The following APC2 variants were observed in gnomAD, a reference collection of about 807,000 sequenced individuals.
APC2 encodes the protein adenomatous polyposis coli protein 2.
A neutral mutation model predicts 72.5 loss-of-function variants in APC2; 41 were observed. The ratio of observed to expected loss-of-function variants is 0.57; its 90% CI spans 0.44 to 0.73. The LOEUF is 0.73. Ranked by LOEUF, APC2 falls within the 30% of genes least tolerant of loss-of-function variation. APC2 has a pLI of 0.00. For synonymous variants in APC2, 1,898 were observed against 1,612.0 expected (o/e 1.18, Z -4.25); for missense variants, 3,729 against 3,403.4 (o/e 1.10, Z -2.38).
Position 1,468,623 on chromosome 19 carries a change from A to G in APC2, c.5322A>G (p.Pro1774=), listed in dbSNP as rs200610919. Residue 1774 remains proline (P), a synonymous_variant, in exon 15 of 15, where the codon CCA becomes CCG. Coordinates refer to ENST00000590469, the MANE Select transcript of APC2 (RefSeq NM_005883.3). ...GTTCCCCTGCAGGCCCCGAGAAGCCACGTGGCACACAGAAGACCACGCCCG... is the reference window on the plus strand; with the variant it reads ...GTTCCCCTGCAGGCCCCGAGAAGCCGCGTGGCACACAGAAGACCACGCCCG... ...SPRSPAGPEK[P]RGTQKTTPGV... 29 of 1,601,714 alleles carry G rather than the reference A, an allele frequency of 1.8e-5. No individual in the cohort carries two copies. In the East Asian group the frequency reaches 5.2e-4, roughly 29 times the overall value.
chr19:1,461,099 G>A lies in APC2; in HGVS notation c.1584G>A (p.Leu528=). 6.2e-7 allele frequency: 1 copy of A among 1,613,470 alleles called. No individual in the cohort carries two copies. Among genetic ancestry groups the A allele is most frequent in the Non-Finnish European group, 8.5e-7 (1 of 1,180,028 alleles). Residue 528 remains leucine (L), a synonymous_variant, in exon 13 of 15, where the codon CTG becomes CTA. Transcript: ENST00000590469. ...WRADINSKKV[L]REAGSVTALV... The stretch of plus-strand genomic sequence containing the variant: ...CCGACATCAACAGCAAGAAGGTGCT[G>A]AGGGAGGCGGGCAGCGTGACTGCCC...
Position 1,460,178 on chromosome 19 carries a change from C to T in APC2, c.1304-3C>T. On this transcript the variant is annotated splice_polypyrimidine_tract_variant and splice_region_variant and intron_variant, in intron 10 of 14. Coordinates refer to ENST00000590469, the MANE Select transcript of APC2 (RefSeq NM_005883.3). ...ACCCACCAACCTTGTTGGGTCCTCA[C>T]AGGTGGGCTGCAGGCCGTGGCAGAG... The T allele has an allele frequency of 6.2e-7, 1 of 1,613,272 alleles. No homozygotes were observed. The highest frequency in any genetic ancestry group is 8.5e-7 in the Non-Finnish European group (1 of 1,179,990).
At chr19:1,450,979 C>T (rs1319812525) in intron 1 of APC2, among the ~76,000 whole-genome samples, 6 of 152,116 alleles carry the variant, frequency 3.9e-5, no homozygotes, top group African/African-American at 1.2e-4. Flanking sequence ...ATGGAGGAGT[C>T]GGAGCGTATC....
chr19:1,458,020 G>T lies in APC2; in HGVS notation c.1263G>T (p.Leu421=), dbSNP rs1162716094. Residue 421 remains leucine (L), a synonymous_variant, in exon 10 of 15, where the codon CTG becomes CTT. Coordinates refer to ENST00000590469, the MANE Select transcript of APC2 (RefSeq NM_005883.3). Reference sequence around the variant, plus strand: ...AGGCCACCTGTGCTGTTATGAAGCTGTCCTTTGATGAGGAGTACCGCCGTG... The same window carrying T: ...AGGCCACCTGTGCTGTTATGAAGCTTTCCTTTGATGAGGAGTACCGCCGTG... ...ICQATCAVMK[L]SFDEEYRRAM... is the part of the protein sequence containing the mutation. The T allele has an allele frequency of 1.3e-6, 2 of 1,567,256 alleles. No homozygotes were observed. Among genetic ancestry groups the T allele is most frequent in the East Asian group, 2.3e-5 (1 of 43,228 alleles).
At chr19:1,455,564 T>G in intron 6 of APC2, 64 bp downstream of exon 6, 4 of 1,462,854 alleles carry the variant, frequency 2.7e-6, no homozygotes, top group Non-Finnish European at 3.8e-6. Flanking sequence ...CAAATCAGAG[T>G]GCAGATATTA....
upstream of APC2, among the ~76,000 whole-genome samples, chr19:1,449,954 C>A (rs1414192980): frequency 6.6e-6 from 1 of 152,102 alleles, no homozygotes; most frequent in Non-Finnish European, 1.5e-5. Flanking sequence ...GGGGGTTTCG[C>A]CCCCCGCACT....
In APC2 at chr19:1,467,501, C is replaced by T; in HGVS notation, c.4200C>T (p.Phe1400=). The T allele has an allele frequency of 6.8e-7, 1 of 1,463,636 alleles. No individual in the cohort carries two copies. The highest frequency in any genetic ancestry group is 9.0e-7 in the Non-Finnish European group (1 of 1,110,526). The allele number at this position is 1,463,636 out of a possible 1,614,324, so 90.7% of individuals were successfully genotyped here. A position where few individuals can be genotyped will look rare whatever the true frequency, so the allele number is the denominator to read the frequency against. The change falls in exon 15 of 15, where the codon TTC becomes TTT. Residue 1400 remains phenylalanine, a synonymous_variant. Coordinates refer to ENST00000590469, the MANE Select transcript of APC2 (RefSeq NM_005883.3). ...TDSAEGTPVN[F]SSAASLSDET... is the part of the protein sequence containing the mutation. ...CCGCGGAGGGCACGCCGGTCAACTT[C>T]TCTAGCGCCGCCTCGCTCAGCGACG...
chr19:1,466,309 C>T lies in APC2; in HGVS notation c.3008C>T (p.Pro1003Leu). 6.5e-7 allele frequency: 1 copy of T among 1,540,894 alleles called. No homozygotes were observed. ...CTGTCGCCTACCTATCAGCACGTGC[C>T]ACTGCTTGAGGGTGCCTCAAGGGCG... Reference protein sequence around the residue: ...IKLSPTYQHVPLLEGASRAGA... With the variant: ...IKLSPTYQHVLLLEGASRAGA... Residue 1003 changes from proline (P) to leucine (L), a missense_variant, in exon 15 of 15, where the codon CCA becomes CTA. Physicochemically the swap from Pro to Leu is moderately conservative, Grantham distance 98. Coordinates refer to ENST00000590469, the MANE Select transcript of APC2 (RefSeq NM_005883.3).
In APC2 at chr19:1,467,486, C is replaced by T; in HGVS notation, c.4185C>T (p.Gly1395=). 1 of 1,457,094 alleles carries T rather than the reference C, an allele frequency of 6.9e-7. No homozygotes were observed. Among genetic ancestry groups the T allele is most frequent in the Non-Finnish European group, 9.0e-7 (1 of 1,106,668 alleles). The allele number at this position is 1,457,094 out of a possible 1,614,324, so 90.3% of individuals were successfully genotyped here. The change falls in exon 15 of 15, where the codon GGC becomes GGT. Residue 1395 remains glycine (G), a synonymous_variant. Coordinates refer to ENST00000590469, the MANE Select transcript of APC2 (RefSeq NM_005883.3). ...ACTCCTGCACTGACTCCGCGGAGGG[C>T]ACGCCGGTCAACTTCTCTAGCGCCG... ...EDDSCTDSAE[G]TPVNFSSAAS... is the part of the protein sequence containing the mutation.
At position 1,467,933 on chromosome 19, in the gene APC2, C is replaced by T. The variant is rs771755172; in HGVS notation, c.4632C>T (p.Gly1544=). Residue 1544 remains glycine (G), a synonymous_variant, in exon 15 of 15, where the codon GGC becomes GGT. Coordinates refer to ENST00000590469, the MANE Select transcript of APC2 (RefSeq NM_005883.3). ...CTTTTACGCGGGAGCGTCCGCAGGG[C>T]CGGAAGGAGGCCCCTGCCCCGTCCA... ...PRAFTRERPQ[G]RKEAPAPSKA... The T allele has an allele frequency of 6.3e-7, 1 of 1,586,018 alleles. No homozygotes were observed. The highest frequency in any genetic ancestry group is 1.7e-5 in the Admixed American group (1 of 59,264).
At position 1,461,846 on chromosome 19, in the gene APC2, C is replaced by T. The variant is rs761464522; in HGVS notation, c.1639-117C>T. 5.0e-5 allele frequency: 41 copies of T among 826,214 alleles called. No individual in the cohort carries two copies. In the Middle Eastern group the frequency reaches 1.9e-3, roughly 38 times the overall value. 51.2% of individuals were successfully genotyped at this position (826,214 alleles called of 1,614,324 possible). ...CAGCCTGGGGGAGAGAGTGAGATTC[C>T]GTCTCAAAAAAAAAAAACAAAAAAC... On this transcript the variant is annotated intron_variant, in intron 13 of 14. Transcript: ENST00000590469.
chr19:1,468,024 C>A lies in APC2; in HGVS notation c.4723C>A (p.Pro1575Thr). The change falls in exon 15 of 15, where the codon CCC (proline) becomes ACC (threonine). Residue 1575 changes from proline to threonine, a missense_variant. Pro to Thr is a conservative substitution (Grantham distance 38). Coordinates refer to ENST00000590469, the MANE Select transcript of APC2 (RefSeq NM_005883.3). The stretch of plus-strand genomic sequence containing the variant: ...CAGCCTCATTGCTGACGAGACCCCG[C>A]CCTGCTACTCCCTGAGCTCCTCCGC... ...QPSLIADETPPCYSLSSSASS... is the reference protein window; with the variant it reads ...QPSLIADETPTCYSLSSSASS... 6.3e-7 allele frequency: 1 copy of A among 1,584,450 alleles called. No homozygotes were observed. Among genetic ancestry groups the A allele is most frequent in the Non-Finnish European group, 8.5e-7 (1 of 1,174,268 alleles).
chr19:1,456,876 G>A lies in APC2; in HGVS notation c.840G>A (p.Leu280=), dbSNP rs1176640766. The A allele has an allele frequency of 3.1e-6, 5 of 1,595,460 alleles. No homozygotes were observed. Among genetic ancestry groups the A allele is most frequent in the Non-Finnish European group, 4.2e-6 (5 of 1,176,666 alleles). ...NSKVEVVFWL[L]SMLATRDQED... ...AGGTGGAGGTGGTCTTCTGGCTGTTGTCCATGTTGGCGACGCGCGACCAGG... is the reference window on the plus strand; with the variant it reads ...AGGTGGAGGTGGTCTTCTGGCTGTTATCCATGTTGGCGACGCGCGACCAGG... The change falls in exon 9 of 15, where the codon TTG becomes TTA. Residue 280 remains leucine, a synonymous_variant. Coordinates refer to ENST00000590469, the MANE Select transcript of APC2 (RefSeq NM_005883.3).
chr19:1,452,865 C>CA lies in APC2; in HGVS notation c.-18-119_-18-118insA, dbSNP rs1192449503. ...CACACCAGTGACTCCTGCCTGAGACCCCCCCCAACCCAGGATCAGGCAGGA... is the reference window on the plus strand; with the variant it reads ...CACACCAGTGACTCCTGCCTGAGACCACCCCCCAACCCAGGATCAGGCAGGA... On this transcript the variant is annotated intron_variant, in intron 1 of 14. Transcript: ENST00000590469. The surrounding 1 kb of genome is among the most constrained non-coding windows in gnomAD (Gnocchi z 5.1). 2 of 1,257,468 alleles carry CA rather than the reference C, an allele frequency of 1.6e-6. No homozygotes were observed. Among genetic ancestry groups the CA allele is most frequent in the African/African-American group, 1.5e-5 (1 of 66,432 alleles). 77.9% of individuals were successfully genotyped at this position (1,257,468 alleles called of 1,614,324 possible).
intron 4 of APC2, among the ~76,000 whole-genome samples, chr19:1,454,362 CTCT>C (rs1250477767): frequency 5.7e-5 from 5 of 88,136 alleles, no homozygotes; most frequent in East Asian, 3.4e-4. Context: ...GAATTGCTTT[CTCT>C]TTTTTTTTTT....
In APC2 at chr19:1,468,182, G is replaced by A; in HGVS notation, c.4881G>A (p.Glu1627=). ...CGCCCAGCCCGCGGGCCGCGGAGGA[G>A]CTTCTGCAGCGGTGCATCAGCTCGG... The part of the protein sequence containing the change: ...DSSPSPRAAE[E]LLQRCISSAL... The change falls in exon 15 of 15, where the codon GAG becomes GAA. Residue 1627 remains glutamate, a synonymous_variant. Coordinates refer to ENST00000590469, the MANE Select transcript of APC2 (RefSeq NM_005883.3). 6.9e-7 allele frequency: 1 copy of A among 1,453,634 alleles called. No individual in the cohort carries two copies. The highest frequency in any genetic ancestry group is 9.0e-7 in the Non-Finnish European group (1 of 1,112,286). 90.0% of individuals were successfully genotyped at this position (1,453,634 alleles called of 1,614,324 possible). A position where few individuals can be genotyped will look rare whatever the true frequency, so the allele number is the denominator to read the frequency against.
intron 2 of APC2, 30 bp from the exon 3 acceptor site, chr19:1,453,217 G>A (rs1238201693): frequency 1.3e-6 from 2 of 1,559,652 alleles, no homozygotes; most frequent in East Asian, 2.4e-5. Flanking sequence ...AGTGGCTGAT[G>A]GCTTCCCGCC....
rs1470879286 is a variant in APC2, at chr19:1,466,649, G to A, written c.3348G>A (p.Ala1116=). Residue 1116 remains alanine, a synonymous_variant, in exon 15 of 15, where the codon GCG becomes GCA. Coordinates refer to ENST00000590469, the MANE Select transcript of APC2 (RefSeq NM_005883.3). ...CTGAGCTGGACAGCACGTGGCGGGC[G>A]CCCGGGGCCACCTCGCTGCCCGTAG... ...SEAELDSTWR[A]PGATSLPVAI... 20 of 1,494,090 alleles carry A rather than the reference G, an allele frequency of 1.3e-5. No homozygotes were observed. The highest frequency in any genetic ancestry group is 1.6e-5 in the Non-Finnish European group (18 of 1,123,002). 92.6% of individuals were successfully genotyped at this position (1,494,090 alleles called of 1,614,324 possible). A position where few individuals can be genotyped will look rare whatever the true frequency, so the allele number is the denominator to read the frequency against.
At chr19:1,461,526 C>A (rs893972659) in intron 13 of APC2, 13 of 364,290 alleles carry the variant, frequency 3.6e-5, no homozygotes, top group Non-Finnish European at 6.6e-5. Flanking sequence ...GCATTCCAGC[C>A]TGGGCCACAG....
Sources: gnomAD v4.1 joint callset for allele counts (sites outside exome capture counted in the v4.1 genomes callset) on GRCh38, gnomAD v4.1.1 for gene constraint, Gnocchi (gnomAD v3.1) non-coding constraint, MANE v1.5 for transcripts, NCBI Gene and HGNC (gene_info 2026-07-23, HGNC 2026-07-21) for gene names.